Variants in DNAH17 observed in about 807,000 individuals in gnomAD.
DNAH17 encodes the protein dynein axonemal heavy chain 17.
Under a neutral mutation model 485.6 loss-of-function variants are expected in DNAH17, and 376 were observed. The ratio of observed to expected loss-of-function variants is 0.77; its 90% CI spans 0.71 to 0.84. DNAH17 has a LOEUF of 0.84. DNAH17 is among the 40% of genes least tolerant of loss of function. The pLI, the probability that DNAH17 is intolerant of heterozygous loss-of-function variation, is 0.00. For missense variants in DNAH17, 6,370 were observed against 5,839.3 expected (o/e 1.09, Z -2.96); for synonymous variants, 3,031 against 2,405.9 (o/e 1.26, Z -7.60).
rs144964309 is a variant in DNAH17 at position 78,462,665 on chromosome 17, C to T, written c.9174+179G>A. Among the ~76,000 whole-genome samples the T allele has an allele frequency of 5.3e-5, 8 of 152,304 alleles. No homozygotes were observed. The East Asian group carries it at 1.5e-3, about 29-fold the overall frequency. ...ATTTTGAGTCTGTTTTTTGTTACGA[C>T]AAGTATACTAACTCTGGCCTAGGAG... On this transcript the variant is annotated intron_variant, in intron 57 of 80. Coordinates refer to ENST00000389840, the MANE Select transcript of DNAH17 (RefSeq NM_173628.4).
Position 78,570,259 on chromosome 17 carries a change from T to G in DNAH17, c.1032A>C (p.Gln344His). Residue 344 changes from glutamine (Q) to histidine (H), a missense_variant, in exon 7 of 81, where the codon CAA becomes CAC. Coordinates refer to ENST00000389840, the MANE Select transcript of DNAH17 (RefSeq NM_173628.4). ...IIVILQEFCNQIIEMTRTFLS... is the reference protein window; with the variant it reads ...IIVILQEFCNHIIEMTRTFLS... ...AGGGGAGGGTTACCATCTCGATGAT[T>G]TGGTTGCAGAACTCCTGCAGGATGA... 1 of 1,587,112 alleles carries G rather than the reference T, an allele frequency of 6.3e-7. No individual in the cohort carries two copies. The highest frequency in any genetic ancestry group is 8.6e-7 in the Non-Finnish European group (1 of 1,166,984).
Position 78,574,704 on chromosome 17 carries a change from C to T in DNAH17, c.345+9G>A, listed in dbSNP as rs183559801. On this transcript the variant is annotated intron_variant, in intron 2 of 80. Coordinates refer to ENST00000389840, the MANE Select transcript of DNAH17 (RefSeq NM_173628.4). ...TCGACACCCCGGATGGCAGCCTGGA[C>T]GCACTCACCTCCTCCACCACCGCGA... 469 of 1,586,662 alleles carry T rather than the reference C, an allele frequency of 3.0e-4. 1 individual carries two copies. Among genetic ancestry groups the T allele is most frequent in the Non-Finnish European group, 3.7e-4 (431 of 1,163,960 alleles).
rs749706388 is a variant in DNAH17 at position 78,441,088 on chromosome 17, G to C, written c.11640C>G (p.Ser3880=). The change falls in exon 72 of 81, where the codon TCC becomes TCG. Residue 3880 remains serine, a synonymous_variant. Coordinates refer to ENST00000389840, the MANE Select transcript of DNAH17 (RefSeq NM_173628.4). ...SPSTSIFFIL[S]PGVDPLKDVE... ...CGTCTTTCAAGGGGTCAACCCCCGG[G>C]GAGAGGATGAAGAAGATTGACGTGG... 1.2e-6 allele frequency: 2 copies of C among 1,611,150 alleles called. No homozygotes were observed. The highest frequency in any genetic ancestry group is 1.7e-6 in the Non-Finnish European group (2 of 1,178,706).
chr17:78,429,158 G>A lies in DNAH17; in HGVS notation c.12368C>T (p.Ala4123Val), dbSNP rs550089314. 6 of 1,613,530 alleles carry A rather than the reference G, an allele frequency of 3.7e-6. No homozygotes were observed. The highest frequency in any genetic ancestry group is 2.2e-5 in the East Asian group (1 of 44,862). The change falls in exon 76 of 81, where the codon GCC becomes GTC. Residue 4123 changes from alanine (A) to valine (V), a missense_variant. By Grantham distance (64) the Ala-to-Val change is moderately conservative (BLOSUM62 0). Transcript: ENST00000389840. ...TEMLEGDVLL[A>V]PGFQIPPNLD... Reference sequence around the variant, plus strand: ...GTTGGGGGGGATCTGAAAGCCGGGGGCCAGCAGGACGTCTCCCTCCAGCAT... The same window carrying A: ...GTTGGGGGGGATCTGAAAGCCGGGGACCAGCAGGACGTCTCCCTCCAGCAT...
chr17:78,486,654 G>C, intron 44 of DNAH17, 148 bp from the exon 45 acceptor site: 1 of 1,008,576 alleles, frequency 9.9e-7, no homozygotes, highest in Non-Finnish European at 1.4e-6. Flanking sequence ...GGGTCCAAAC[G>C]AGGGTGCCAG....
chr17:78,437,174 G>A (rs1210663920), intron 74 of DNAH17, among the ~76,000 whole-genome samples: 1 of 152,198 alleles, frequency 6.6e-6, no homozygotes, highest in Non-Finnish European at 1.5e-5. Context: ...CCTGGTCACA[G>A]ATCCAGAGCC....
chr17:78,552,804 A>G lies in DNAH17; in HGVS notation c.2180T>C (p.Ile727Thr), dbSNP rs374820388. The G allele has an allele frequency of 3.1e-6, 5 of 1,604,868 alleles. No homozygotes were observed. The African/African-American group carries it at 6.7e-5, about 21-fold the overall frequency. The part of the protein sequence containing the change: ...LELIVGWYNE[I>T]KTIVKAVEFL... ...TTCTACTGCCTTCACTATAGTCTTT[A>G]TCTGAAAAACAGAGGTGACAGGTTT... is the stretch of plus-strand genomic sequence containing the variant. The change falls in exon 15 of 81, where the codon ATA becomes ACA. Residue 727 changes from isoleucine (I) to threonine (T), a missense_variant and splice_region_variant. Coordinates refer to ENST00000389840, the MANE Select transcript of DNAH17 (RefSeq NM_173628.4).
chr17:78,528,084 A>G (rs2091125604), intron 22 of DNAH17, among the ~76,000 whole-genome samples: 1 of 151,886 alleles, frequency 6.6e-6, no homozygotes. Context: ...GGGCCATAAA[A>G]TATTTTAAAG....
At chr17:78,503,928 T>A (rs1230227690) in intron 31 of DNAH17, among the ~76,000 whole-genome samples, 13 of 151,402 alleles carry the variant, frequency 8.6e-5, no homozygotes, top group Non-Finnish European at 4.4e-5. Context: ...ATCGTGCCAT[T>A]GCACTCCAGC....
intron 55 of DNAH17, 61 bp downstream of exon 55, chr17:78,468,556 C>T: frequency 6.5e-7 from 1 of 1,550,214 alleles, no homozygotes; most frequent in Non-Finnish European, 8.7e-7. Flanking sequence ...AAAACCCATA[C>T]CCTGTAGGCC....
chr17:78,441,856 G>T (rs944910193), intron 71 of DNAH17, among the ~76,000 whole-genome samples: 11 of 152,120 alleles, frequency 7.2e-5, no homozygotes, highest in Admixed American at 5.9e-4. Context: ...AGGCCAAGGA[G>T]GGCAGATCAC....
chr17:78,481,418 T>C (rs911887973), intron 48 of DNAH17, among the ~76,000 whole-genome samples: 3 of 152,118 alleles, frequency 2.0e-5, no homozygotes, highest in Admixed American at 1.3e-4. Flanking sequence ...ACTGATAATA[T>C]GTGAAGCAGC....
chr17:78,433,965 G>GA (rs2086777138), intron 75 of DNAH17, 64 bp downstream of exon 75: 1 of 1,346,124 alleles, frequency 7.4e-7, no homozygotes, highest in African/African-American at 1.5e-5. Context: ...GGGAGGGAAG[G>GA]AGGGAGGGAA....
chr17:78,543,824 G>A (rs766091458), intron 17 of DNAH17, 33 bp downstream of exon 17: 7 of 1,613,690 alleles, frequency 4.3e-6, no homozygotes, highest in African/African-American at 1.3e-5. Flanking sequence ...AAAGCAAGTG[G>A]GTTCTCAAAA....
At chr17:78,552,858 G>A in intron 14 of DNAH17, 53 bp from the exon 15 acceptor site, 1 of 1,300,196 alleles carries the variant, frequency 7.7e-7, no homozygotes, top group Non-Finnish European at 1.1e-6. Flanking sequence ...ATTTTAAATT[G>A]TTCTCTGGTA....
At chr17:78,502,840 C>T in intron 32 of DNAH17, 46 bp downstream of exon 32, 1 of 1,603,176 alleles carries the variant, frequency 6.2e-7, no homozygotes, top group South Asian at 1.1e-5. Context: ...AAACTCGCCC[C>T]TTATCTCAGC....
intron 25 of DNAH17, among the ~76,000 whole-genome samples, chr17:78,524,129 G>C (rs978941611): frequency 6.6e-6 from 1 of 152,042 alleles, no homozygotes; most frequent in Admixed American, 6.6e-5. Flanking sequence ...AATGTGATTT[G>C]TGCTCTTATT....
At chr17:78,502,056 G>A in intron 33 of DNAH17, 183 bp from the exon 34 acceptor site, 1 of 751,212 alleles carries the variant, frequency 1.3e-6, no homozygotes, top group East Asian at 2.8e-5. Flanking sequence ...CGGCCCTGAT[G>A]GGACACCTGG....
At position 78,434,168 on chromosome 17, in the gene DNAH17, G is replaced by A; in HGVS notation, c.12086C>T (p.Ala4029Val). The A allele has an allele frequency of 6.2e-7, 1 of 1,613,538 alleles. No homozygotes were observed. The highest frequency in any genetic ancestry group is 8.5e-7 in the Non-Finnish European group (1 of 1,179,782). The stretch of plus-strand genomic sequence containing the variant: ...CACCACAGCGTGGAAGTAGCACAGG[G>A]CGAAGAGCATGCACTTGAACTCCAT... ...KEMEFKCMLF[A>V]LCYFHAVVAE... is the part of the protein sequence containing the mutation. The change falls in exon 75 of 81, where the codon GCC (alanine) becomes GTC (valine). Residue 4029 changes from alanine to valine, a missense_variant. Transcript: ENST00000389840.
Sources: gnomAD v4.1 joint callset for allele counts (sites outside exome capture counted in the v4.1 genomes callset) on GRCh38, gnomAD v4.1.1 for gene constraint, MANE v1.5 for transcripts, NCBI Gene and HGNC (gene_info 2026-07-23, HGNC 2026-07-21) for gene names.